APBA2: variants seen among roughly 807,000 people sequenced by gnomAD.
The protein encoded by APBA2 is amyloid beta precursor protein binding family A member 2, also known as amyloid-beta A4 precursor protein-binding family A member 2.
Under a neutral mutation model 75.0 loss-of-function variants are expected in APBA2, and 30 were observed. The ratio of observed to expected loss-of-function variants is 0.40; its 90% CI spans 0.30 to 0.54. APBA2 has a LOEUF of 0.54. Among genes scored for constraint, APBA2 ranks in the 20% least tolerant of loss-of-function variants. APBA2 has a pLI of 0.49. For missense variants in APBA2, 801 were observed against 1,016.1 expected (o/e 0.79, Z 2.88); for synonymous variants, 444 against 409.6 (o/e 1.08, Z -1.01).
At chr15:29,116,269 C>T (rs1208036710) in intron 14 of APBA2, among the ~76,000 whole-genome samples, 5 of 152,124 alleles carry the variant, frequency 3.3e-5, no homozygotes, top group African/African-American at 1.2e-4. Flanking sequence ...CTTGAGGTGC[C>T]CTGGGCCCCA....
Position 28,978,507 on chromosome 15 carries a change from C to T in APBA2, c.-94-17246C>T, listed in dbSNP as rs56411025. On this transcript the variant is annotated intron_variant, in intron 2 of 14. Transcript: ENST00000683413. ...ACAGAAGGAAGAGAAAGGAGCTCCC[C>T]AGAGTCCAGCTGCTGGGCTGTGCAG... Among the ~76,000 whole-genome samples the T allele has an allele frequency of 5.4e-3, 823 of 152,362 alleles. 5 individuals are homozygous for T. The highest frequency in any genetic ancestry group is 0.027 in the Middle Eastern group (8 of 294).
Position 29,117,804 on chromosome 15 carries a change from CTA to C in APBA2, c.*672_*673del, listed in dbSNP as rs1439346486. 6.6e-6 allele frequency: 1 copy of C among 152,362 alleles called. No individual in the cohort carries two copies. Among genetic ancestry groups the C allele is most frequent in the Non-Finnish European group, 1.5e-5 (1 of 68,378 alleles). 9.4% of individuals were successfully genotyped at this position (152,362 alleles called of 1,614,324 possible). On this transcript the variant is annotated 3_prime_UTR_variant, in exon 15 of 15. Transcript: ENST00000683413. ...CAGACTCTAGGGTTTTCCAATGTGA[CTA>C]ATGACCACACCTGCCTCTCCCGTCG...
chr15:29,028,202 T>C (rs1566923009), intron 3 of APBA2, among the ~76,000 whole-genome samples: 1 of 152,032 alleles, frequency 6.6e-6, no homozygotes, highest in Admixed American at 6.6e-5. Context: ...CCTCCCTGTG[T>C]CCATGTTTTC....
chr15:28,982,543 C>T (rs926623707), intron 2 of APBA2, among the ~76,000 whole-genome samples: 5 of 152,196 alleles, frequency 3.3e-5, no homozygotes, highest in African/African-American at 7.2e-5. Context: ...TCAGCTTCAT[C>T]CTAAGGCTGG....
intron 5 of APBA2, 141 bp from the exon 6 acceptor site, chr15:29,075,914 C>A: frequency 1.3e-6 from 1 of 771,312 alleles, no homozygotes; most frequent in Non-Finnish European, 2.3e-6. Context: ...CTGTATGGAG[C>A]TGACATCTTC....
intron 1 of APBA2, among the ~76,000 whole-genome samples, chr15:28,916,699 C>T (rs1446396337): frequency 1.3e-5 from 2 of 152,208 alleles, no homozygotes; most frequent in African/African-American, 4.8e-5. Flanking sequence ...TTACCATTTT[C>T]CCTCAAAAAC....
At chr15:29,017,995 G>A (rs79798025) in intron 3 of APBA2, among the ~76,000 whole-genome samples, 2,127 of 152,060 alleles carry the variant, frequency 0.014, 55 homozygotes, top group African/African-American at 0.048. Context: ...TCTGTGAGCC[G>A]TGGTTGTTAA....
chr15:28,898,173 A>G (rs1482322188), intron 1 of APBA2, among the ~76,000 whole-genome samples: 1 of 152,132 alleles, frequency 6.6e-6, no homozygotes, highest in African/African-American at 2.4e-5. Context: ...CTGCATGTAG[A>G]CTTCTAGCCT....
intron 2 of APBA2, among the ~76,000 whole-genome samples, chr15:28,928,314 G>A (rs2071300021): frequency 6.6e-6 from 1 of 152,090 alleles, no homozygotes; most frequent in South Asian, 2.1e-4. Flanking sequence ...TGTTGTAGCT[G>A]TGAGTGCCGG....
intron 6 of APBA2, among the ~76,000 whole-genome samples, chr15:29,083,010 C>A (rs769573081): frequency 6.6e-6 from 1 of 151,522 alleles, no homozygotes; most frequent in Non-Finnish European, 1.5e-5. Context: ...TGCAGTGAGC[C>A]GAGATCGTGC....
intron 3 of APBA2, among the ~76,000 whole-genome samples, chr15:29,017,320 T>C (rs1334752461): frequency 2.6e-5 from 4 of 151,992 alleles, no homozygotes; most frequent in African/African-American, 9.7e-5. Context: ...TTCCCATCTA[T>C]CTGATTTTTG....
At chr15:28,946,687 T>A (rs147942103) in intron 2 of APBA2, among the ~76,000 whole-genome samples, 148 of 152,374 alleles carry the variant, frequency 9.7e-4, no homozygotes, top group Admixed American at 1.8e-3. Context: ...CAAGCCATTT[T>A]CGTGCCTCAA....
rs140790485 is a variant in APBA2, at chr15:28,937,814, G to A, written c.-95+16065G>A. On this transcript the variant is annotated intron_variant, in intron 2 of 14. Coordinates refer to ENST00000683413, the MANE Select transcript of APBA2 (RefSeq NM_001353788.2). Reference sequence around the variant, plus strand: ...TGGGACTACAGGCGCCCGCCACCACGCCCGGCTAATTGTTTTGTATTTTTG... The same window carrying A: ...TGGGACTACAGGCGCCCGCCACCACACCCGGCTAATTGTTTTGTATTTTTG... Among the ~76,000 whole-genome samples, 1,408 of 152,010 alleles carry A rather than the reference G, an allele frequency of 9.3e-3. 24 individuals are homozygous for A. Among genetic ancestry groups the A allele is most frequent in the African/African-American group, 0.027 (1,122 of 41,452 alleles).
Position 29,054,467 on chromosome 15 carries a change from G to A in APBA2, c.583G>A (p.Asp195Asn), listed in dbSNP as rs1168688108. 1.2e-6 allele frequency: 2 copies of A among 1,613,984 alleles called. No homozygotes were observed. The highest frequency in any genetic ancestry group is 1.3e-5 in the African/African-American group (1 of 74,958). The change falls in exon 4 of 15, where the codon GAC becomes AAC. Residue 195 changes from aspartate (D) to asparagine (N), a missense_variant. Physicochemically the swap from Asp to Asn is conservative, Grantham distance 23. Coordinates refer to ENST00000683413, the MANE Select transcript of APBA2 (RefSeq NM_001353788.2). This position sits in a 1 kb window ranked among gnomAD's most constrained non-coding sequence, Gnocchi z 6.1. Reference protein sequence around the residue: ...HYCASKEGYQDYYPEEANGNT... With the variant: ...HYCASKEGYQNYYPEEANGNT... ...CTGTGCCAGCAAAGAGGGCTACCAG[G>A]ACTACTACCCCGAGGAGGCCAACGG...
chr15:28,940,231 G>A (rs896620673), intron 2 of APBA2, among the ~76,000 whole-genome samples: 83 of 151,994 alleles, frequency 5.5e-4, no homozygotes, highest in African/African-American at 1.9e-3. Flanking sequence ...AGCCTCGGGA[G>A]GCTGGGCGTG....
chr15:28,931,823 ATT>A (rs2034579935), intron 2 of APBA2, among the ~76,000 whole-genome samples: 1 of 152,212 alleles, frequency 6.6e-6, no homozygotes, highest in South Asian at 2.1e-4. Context: ...AATTGTACGT[ATT>A]TGGAGATCCC....
At position 28,996,406 on chromosome 15, in the gene APBA2, G is replaced by A. The variant is rs576693577; in HGVS notation, c.-41+600G>A. ...CCCTCCCTGTGCATGGAGCAGTATT[G>A]CAGCCCTGAAGACACTGCCCCATGG... is the stretch of plus-strand genomic sequence containing the variant. On this transcript the variant is annotated intron_variant, in intron 3 of 14. Transcript: ENST00000683413. Among the ~76,000 whole-genome samples the A allele has an allele frequency of 9.9e-5, 15 of 152,258 alleles. 1 individual carries two copies. The East Asian group carries it at 2.9e-3, about 29-fold the overall frequency.
intron 1 of APBA2, among the ~76,000 whole-genome samples, chr15:28,899,175 G>A (rs2032695984): frequency 1.3e-5 from 2 of 152,214 alleles, no homozygotes; most frequent in Admixed American, 6.5e-5. Context: ...AGTCCTGGGT[G>A]GAGGTTCTAT....
chr15:29,085,470 A>C (rs901038834), intron 6 of APBA2, among the ~76,000 whole-genome samples: 26 of 148,930 alleles, frequency 1.7e-4, no homozygotes, highest in Non-Finnish European at 3.0e-5. Flanking sequence ...GCTTGCAGTG[A>C]GCCGAGATTG....
Sources: gnomAD v4.1 joint callset for allele counts (sites outside exome capture counted in the v4.1 genomes callset) on GRCh38, gnomAD v4.1.1 for gene constraint, Gnocchi (gnomAD v3.1) non-coding constraint, MANE v1.5 for transcripts, NCBI Gene and HGNC (gene_info 2026-07-23, HGNC 2026-07-21) for gene names.